AGBL1: variants seen among roughly 807,000 people sequenced by gnomAD.
AGBL1 encodes the protein AGBL carboxypeptidase 1.
AGBL1 carries 130 observed loss-of-function variants against 118.9 expected under a neutral mutation model. The observed-to-expected ratio is 1.09, with a 90% CI of 0.95 to 1.26. The LOEUF is 1.26. Ranked by LOEUF, AGBL1 falls within the 50% of genes most tolerant of loss-of-function variation. AGBL1 has a pLI of 0.00. For missense variants in AGBL1, 1,584 were observed against 1,298.1 expected, an observed-to-expected ratio of 1.22 and a Z score of -3.38; for synonymous variants, 555 against 478.9, an observed-to-expected ratio of 1.16 and a Z score of -2.08.
rs562041686 is a variant in AGBL1 at position 86,720,883 on chromosome 15, A to G, written c.3158+46447A>G. 3.3e-5 allele frequency among the ~76,000 whole-genome samples: 5 copies of G among 152,340 alleles called. No individual in the cohort carries two copies. In the South Asian group the frequency reaches 8.3e-4, roughly 25 times the overall value. On this transcript the variant is annotated intron_variant, in intron 22 of 22. Coordinates refer to ENST00000614907, the MANE Select transcript of AGBL1 (RefSeq NM_001386094.1). ...ATACTATGAACACCTCTACACAAATAAACTGGAAAATCTAGAAGAAATGGA... is the reference window on the plus strand; with the variant it reads ...ATACTATGAACACCTCTACACAAATGAACTGGAAAATCTAGAAGAAATGGA...
At chr15:86,918,264 C>A (rs942553413), downstream of AGBL1, among the ~76,000 whole-genome samples, 6 of 152,146 alleles carry the variant, frequency 3.9e-5, no homozygotes, top group Admixed American at 2.0e-4. Context: ...GACAAAGAAA[C>A]AAAGTCTGGG....
At chr15:86,642,334 GTCTTTT>G (rs1181144019) in intron 21 of AGBL1, among the ~76,000 whole-genome samples, 1 of 152,022 alleles carries the variant, frequency 6.6e-6, no homozygotes, top group African/African-American at 2.4e-5. Flanking sequence ...CTCATTCCCT[GTCTTTT>G]TCTTTTTATG....
chr15:86,444,402 A>G (rs1481615803), intron 18 of AGBL1, among the ~76,000 whole-genome samples: 4 of 152,178 alleles, frequency 2.6e-5, no homozygotes, highest in Non-Finnish European at 2.9e-5. Context: ...TCACTCAGCT[A>G]TTGCATGATG....
intron 22 of AGBL1, among the ~76,000 whole-genome samples, chr15:86,679,144 TATTAA>T (rs1341094726): frequency 1.3e-5 from 2 of 152,096 alleles, no homozygotes; most frequent in Non-Finnish European, 2.9e-5. Context: ...ACTCAGGTAA[TATTAA>T]ATTATAGATA....
At position 86,488,333 on chromosome 15, in the gene AGBL1, C is replaced by T. The variant is rs116135825; in HGVS notation, c.2556-34477C>T. 4.1e-3 allele frequency among the ~76,000 whole-genome samples: 621 copies of T among 152,044 alleles called. 3 individuals carry two copies. Among genetic ancestry groups the T allele is most frequent in the African/African-American group, 0.013 (539 of 41,486 alleles). On this transcript the variant is annotated intron_variant, in intron 18 of 22. Transcript: ENST00000614907. ...AAGCATTTCCCTTCCTTCTTACCCC[C>T]GAGATTGCTGCCAAAATGTGAAGTC... is the stretch of plus-strand genomic sequence containing the variant.
intron 18 of AGBL1, among the ~76,000 whole-genome samples, chr15:86,429,378 T>C (rs4482250): frequency 0.67 from 101,634 of 152,186 alleles, 35,992 homozygotes; most frequent in African/African-American, 0.89. Context: ...CTTAGCAACA[T>C]GGACGTATGA....
At chr15:86,920,948 T>G (rs1019232976), downstream of AGBL1, among the ~76,000 whole-genome samples, 9 of 152,118 alleles carry the variant, frequency 5.9e-5, no homozygotes, top group African/African-American at 2.2e-4. Flanking sequence ...ACATCCACTT[T>G]GAGGTTTTGC....
intron 23 of AGBL1, among the ~76,000 whole-genome samples, chr15:86,983,516 T>C (rs796449197): frequency 6.6e-6 from 1 of 152,356 alleles, no homozygotes; most frequent in Non-Finnish European, 1.5e-5. Flanking sequence ...CTGACTATGT[T>C]AACCCCTCTT....
chr15:86,514,805 A>T (rs1320121734), intron 18 of AGBL1, among the ~76,000 whole-genome samples: 1 of 152,136 alleles, frequency 6.6e-6, no homozygotes, highest in Admixed American at 6.6e-5. Context: ...TGCACAAAGG[A>T]ATAAATGCAT....
At chr15:86,241,639 TG>T (rs2078642747) in intron 6 of AGBL1, among the ~76,000 whole-genome samples, 1 of 152,198 alleles carries the variant, frequency 6.6e-6, no homozygotes, top group Non-Finnish European at 1.5e-5. Flanking sequence ...CAGGACACTG[TG>T]TGAAGCCTCT....
At chr15:86,365,589 C>G (rs2080874609) in intron 17 of AGBL1, among the ~76,000 whole-genome samples, 1 of 152,158 alleles carries the variant, frequency 6.6e-6, no homozygotes, top group Non-Finnish European at 1.5e-5. Flanking sequence ...CTTACATTCT[C>G]TCTCTATACC....
chr15:86,124,318 A>G (rs1898274563), intron 1 of AGBL1, among the ~76,000 whole-genome samples: 1 of 138,302 alleles, frequency 7.2e-6, no homozygotes, highest in Non-Finnish European at 1.5e-5. Context: ...CACCAGAGTG[A>G]GACTCTGTCT....
chr15:86,857,938 T>C (rs1024625237), intron 22 of AGBL1, among the ~76,000 whole-genome samples: 3 of 152,244 alleles, frequency 2.0e-5, no homozygotes, highest in Admixed American at 2.0e-4. Context: ...TTCACAAATG[T>C]TTTCTTGGCA....
At chr15:86,297,489 C>T (rs181739004) in intron 17 of AGBL1, among the ~76,000 whole-genome samples, 154 of 152,264 alleles carry the variant, frequency 1.0e-3, no homozygotes, top group African/African-American at 3.6e-3. Context: ...AACAAGGGGC[C>T]TTGCCTTTTC....
chr15:86,551,959 G>A (rs892514893), intron 20 of AGBL1, among the ~76,000 whole-genome samples: 21 of 152,258 alleles, frequency 1.4e-4, no homozygotes, highest in African/African-American at 4.6e-4. Context: ...TAAAAAGATC[G>A]GGGTTGCCAG....
rs1409731403 is a variant in AGBL1 at position 86,720,405 on chromosome 15, T to G, written c.3158+45969T>G. ...AATATATCTTGAATAACCAACTTAT[T>G]TTTGTTCTTAATGCTACCACTGTAG... On this transcript the variant is annotated intron_variant, in intron 22 of 22. Coordinates refer to ENST00000614907, the MANE Select transcript of AGBL1 (RefSeq NM_001386094.1). Among the ~76,000 whole-genome samples the G allele has an allele frequency of 3.3e-5, 5 of 152,192 alleles. No individual in the cohort carries two copies. In the South Asian group the frequency reaches 8.3e-4, roughly 25 times the overall value.
At chr15:86,595,008 C>G (rs993122864) in intron 21 of AGBL1, among the ~76,000 whole-genome samples, 1 of 152,190 alleles carries the variant, frequency 6.6e-6, no homozygotes, top group East Asian at 1.9e-4. Context: ...TCACTTTCTT[C>G]TTTCCTCACT....
chr15:86,425,541 A>T (rs1194584856), intron 18 of AGBL1, among the ~76,000 whole-genome samples: 1 of 152,166 alleles, frequency 6.6e-6, no homozygotes, highest in Non-Finnish European at 1.5e-5. Context: ...AGTATAATTA[A>T]AAAAACCCAG....
At chr15:86,890,370 T>A (rs2141555315) in intron 22 of AGBL1, among the ~76,000 whole-genome samples, 2 of 152,322 alleles carry the variant, frequency 1.3e-5, no homozygotes, top group South Asian at 4.1e-4. Context: ...AATTGTTTCT[T>A]TTGCCATGCA....
Sources: allele counts gnomAD v4.1 joint callset (sites outside exome capture counted in the v4.1 genomes callset), GRCh38; gene constraint gnomAD v4.1.1; transcripts MANE v1.5; gene names NCBI Gene and HGNC (gene_info 2026-07-23, HGNC 2026-07-21).